The following UPK3A variants were observed in gnomAD, a reference collection of about 807,000 sequenced individuals.
The protein encoded by UPK3A is uroplakin-3a.
UPK3A carries 32 observed loss-of-function variants against 27.6 expected under a neutral mutation model. The ratio of observed to expected loss-of-function variants is 1.16; its 90% CI spans 0.87 to 1.55. The LOEUF is 1.55. Among genes scored for constraint, UPK3A ranks in the 40% most tolerant of loss-of-function variants. UPK3A has a pLI of 0.00. For missense variants in UPK3A, 370 were observed against 367.9 expected, an observed-to-expected ratio of 1.01 and a Z score of -0.05; for synonymous variants, 171 against 163.9, an observed-to-expected ratio of 1.04 and a Z score of -0.33.
At position 45,287,365 on chromosome 22, in the gene UPK3A, C is replaced by T. The variant is rs2673088; in HGVS notation, c.402C>T (p.Val134=). ...KASQILNAYL[V]RVGANGTCLW... ...CACAGATCCTGAATGCCTACCTGGTCAGGGTGGGTGCCAACGGGACCTGCC... is the reference window on the plus strand; with the variant it reads ...CACAGATCCTGAATGCCTACCTGGTTAGGGTGGGTGCCAACGGGACCTGCC... Residue 134 remains valine (V), a synonymous_variant, in exon 3 of 6, where the codon GTC becomes GTT. Coordinates refer to ENST00000216211, the MANE Select transcript of UPK3A (RefSeq NM_006953.4). 0.72 allele frequency: 1,165,201 copies of T among 1,613,634 alleles called. 429,455 individuals carry two copies. Among genetic ancestry groups the T allele is most frequent in the Admixed American group, 0.78 (47,033 of 59,932 alleles).
intron 5 of UPK3A, among the ~76,000 whole-genome samples, chr22:45,295,337 T>C (rs1196306660): frequency 1.3e-5 from 2 of 152,122 alleles, no homozygotes; most frequent in Non-Finnish European, 2.9e-5. Flanking sequence ...CAGCTCCCAA[T>C]AAGACCTATA....
At position 45,284,966 on chromosome 22, in the gene UPK3A, C is replaced by T; in HGVS notation, c.-48C>T. ...GCAGGGACAGGTCTGGTGCCCGCGC[C>T]TGCTCGCTGGACCGCCCGCCCCGCG... On this transcript the variant is annotated 5_prime_UTR_variant, in exon 1 of 6. Coordinates refer to ENST00000216211, the MANE Select transcript of UPK3A (RefSeq NM_006953.4). The T allele has an allele frequency of 1.3e-6, 2 of 1,518,246 alleles. No homozygotes were observed. Among genetic ancestry groups the T allele is most frequent in the Non-Finnish European group, 1.8e-6 (2 of 1,136,620 alleles). 94.0% of individuals were successfully genotyped at this position (1,518,246 alleles called of 1,614,324 possible). A position where few individuals can be genotyped will look rare whatever the true frequency, so the allele number is the denominator to read the frequency against.
At chr22:45,290,794 C>G (rs1282639826) in intron 4 of UPK3A, among the ~76,000 whole-genome samples, 1 of 152,174 alleles carries the variant, frequency 6.6e-6, no homozygotes, top group Non-Finnish European at 1.5e-5. Context: ...TGAGCTCCGC[C>G]TCCTGTCAGA....
At chr22:45,292,225 A>G (rs2084166792) in intron 4 of UPK3A, among the ~76,000 whole-genome samples, 1 of 152,224 alleles carries the variant, frequency 6.6e-6, no homozygotes, top group Non-Finnish European at 1.5e-5. Context: ...GAACCCAGGC[A>G]GAAGCACAAG....
intron 1 of UPK3A, among the ~76,000 whole-genome samples, chr22:45,285,353 T>C (rs1038259173): frequency 6.6e-6 from 1 of 151,786 alleles, no homozygotes; most frequent in African/African-American, 2.4e-5. Context: ...CGGGGGCAGA[T>C]AGAGAGATAT....
At position 45,294,526 on chromosome 22, in the gene UPK3A, G is replaced by T. The variant is rs571070550; in HGVS notation, c.705-1034G>T. On this transcript the variant is annotated intron_variant, in intron 5 of 5. Coordinates refer to ENST00000216211, the MANE Select transcript of UPK3A (RefSeq NM_006953.4). The stretch of plus-strand genomic sequence containing the variant: ...CAACTCTGGGTTCTGGTCCCAGGCT[G>T]TGTCACCTTTACCATTTAATGACAA... Among the ~76,000 whole-genome samples the T allele has an allele frequency of 2.6e-5, 4 of 152,204 alleles. No homozygotes were observed. The South Asian group carries it at 8.3e-4, about 32-fold the overall frequency.
intron 2 of UPK3A, 122 bp from the exon 3 acceptor site, chr22:45,287,050 G>A (rs984747400): frequency 6.7e-5 from 99 of 1,473,032 alleles, no homozygotes; most frequent in Non-Finnish European, 9.0e-5. Context: ...CCCCATGCCT[G>A]TGATGCCAGT....
intron 4 of UPK3A, among the ~76,000 whole-genome samples, chr22:45,292,967 A>C (rs535630903): frequency 1.3e-5 from 2 of 151,624 alleles, no homozygotes; most frequent in Non-Finnish European, 2.9e-5. Context: ...TTAAAAGAGG[A>C]AGTGGCCAGA....
chr22:45,293,780 C>A (rs1335599923), intron 5 of UPK3A, among the ~76,000 whole-genome samples: 1 of 152,184 alleles, frequency 6.6e-6, no homozygotes, highest in Non-Finnish European at 1.5e-5. Context: ...TTATAATACA[C>A]CTACTTGCAG....
chr22:45,286,763 C>G (rs1311352985), intron 2 of UPK3A, among the ~76,000 whole-genome samples: 1 of 152,152 alleles, frequency 6.6e-6, no homozygotes, highest in Non-Finnish European at 1.5e-5. Context: ...AGACTAGGGT[C>G]TGAAGAGGTA....
At chr22:45,291,312 GGGTGTGTGT>G (rs2084159107) in intron 4 of UPK3A, among the ~76,000 whole-genome samples, 1 of 151,092 alleles carries the variant, frequency 6.6e-6, no homozygotes, top group South Asian at 2.1e-4. Context: ...GTGTGAATGA[GGGTGTGTGT>G]GGTGTGTGTG....
chr22:45,295,872 C>G lies in UPK3A; in HGVS notation c.*153C>G. On this transcript the variant is annotated 3_prime_UTR_variant, in exon 6 of 6. Coordinates refer to ENST00000216211, the MANE Select transcript of UPK3A (RefSeq NM_006953.4). ...CCTTAATAAAATCTTCTGATGAGTT[C>G]TAGTTCAGTAACTACTTACAGAATG... 1.2e-6 allele frequency: 1 copy of G among 832,638 alleles called. No individual in the cohort carries two copies. The highest frequency in any genetic ancestry group is 1.9e-6 in the Non-Finnish European group (1 of 521,686). The allele number at this position is 832,638 out of a possible 1,614,324, so 51.6% of individuals were successfully genotyped here. A position where few individuals can be genotyped will look rare whatever the true frequency, so the allele number is the denominator to read the frequency against.
chr22:45,291,546 T>TA (rs2084161219), intron 4 of UPK3A, among the ~76,000 whole-genome samples: 1 of 141,414 alleles, frequency 7.1e-6, no homozygotes, highest in Non-Finnish European at 1.5e-5. Flanking sequence ...TGTGGTGTGT[T>TA]AGAGTGTGGC....
intron 4 of UPK3A, among the ~76,000 whole-genome samples, chr22:45,290,248 T>C (rs1232211323): frequency 6.6e-6 from 1 of 152,124 alleles, no homozygotes; most frequent in Non-Finnish European, 1.5e-5. Context: ...AATGATATCC[T>C]AACTTAAGAC....
At chr22:45,287,569 C>A in intron 3 of UPK3A, 118 bp downstream of exon 3, 2 of 1,342,758 alleles carry the variant, frequency 1.5e-6, no homozygotes, top group Non-Finnish European at 2.1e-6. Flanking sequence ...TGAGAACATC[C>A]CAGGTTCCAG....
intron 4 of UPK3A, among the ~76,000 whole-genome samples, chr22:45,291,293 TGGG>T (rs1250091205): frequency 2.7e-5 from 4 of 146,066 alleles, no homozygotes; most frequent in Non-Finnish European, 6.0e-5. Flanking sequence ...TGGTGTGTGG[TGGG>T]GGTGTGTGTG....
At chr22:45,287,728 T>C (rs1300904841) in intron 3 of UPK3A, among the ~76,000 whole-genome samples, 2 of 152,122 alleles carry the variant, frequency 1.3e-5, no homozygotes, top group African/African-American at 4.8e-5. Flanking sequence ...AGTGACACAA[T>C]CTCAGCTCAC....
intron 4 of UPK3A, among the ~76,000 whole-genome samples, chr22:45,289,615 G>A (rs886795019): frequency 6.6e-5 from 10 of 150,806 alleles, no homozygotes; most frequent in South Asian, 2.1e-4. Context: ...TTAGCTGGGC[G>A]TGGTGGCACG....
intron 3 of UPK3A, among the ~76,000 whole-genome samples, chr22:45,287,928 A>T (rs2084130873): frequency 6.6e-6 from 1 of 152,130 alleles, no homozygotes; most frequent in Non-Finnish European, 1.5e-5. Context: ...CCTCCTCCAT[A>T]GTATTGGGTT....
Sources: gnomAD v4.1 joint callset for allele counts (sites outside exome capture counted in the v4.1 genomes callset) on GRCh38, gnomAD v4.1.1 for gene constraint, MANE v1.5 for transcripts, NCBI Gene and HGNC (gene_info 2026-07-23, HGNC 2026-07-21) for gene names.